ST8SIA1: variants seen among roughly 807,000 people sequenced by gnomAD.
ST8SIA1 encodes alpha-N-acetylneuraminide alpha-2,8-sialyltransferase.
A neutral mutation model predicts 35.9 loss-of-function variants in ST8SIA1; 16 were observed. That is an observed-to-expected ratio of 0.45 (90% confidence interval 0.30 to 0.68). The LOEUF (loss-of-function observed/expected upper bound fraction) is 0.68. ST8SIA1 is among the 30% of genes least tolerant of loss of function. The probability of loss-of-function intolerance (pLI) is 0.09; values close to 1 mark genes in which losing one functional copy is unlikely to be tolerated. For missense variants in ST8SIA1, 383 were observed against 453.6 expected, an observed-to-expected ratio of 0.84 and a Z score of 1.41; for synonymous variants, 170 against 169.6, an observed-to-expected ratio of 1.00 and a Z score of -0.02.
chr12:22,285,861 A>G (rs3819876), intron 2 of ST8SIA1, among the ~76,000 whole-genome samples: 29,214 of 145,026 alleles, frequency 0.2, 3,051 homozygotes, highest in Middle Eastern at 0.31. Context: ...CAGAGTAAGT[A>G]AGACTCTGTC....
intron 1 of ST8SIA1, among the ~76,000 whole-genome samples, chr12:22,288,557 C>T (rs530697834): frequency 6.6e-6 from 1 of 152,220 alleles, no homozygotes; most frequent in Non-Finnish European, 1.5e-5. Flanking sequence ...TGTGGGCAAG[C>T]TTCCTCAGCC....
At chr12:22,281,599 G>A (rs185273969) in intron 2 of ST8SIA1, among the ~76,000 whole-genome samples, 127 of 152,242 alleles carry the variant, frequency 8.3e-4, no homozygotes, top group Middle Eastern at 3.4e-3. Context: ...GCCAAAAAGA[G>A]ACTAGAGTAT....
intron 1 of ST8SIA1, among the ~76,000 whole-genome samples, chr12:22,316,609 T>G (rs529012455): frequency 3.9e-5 from 6 of 152,096 alleles, no homozygotes; most frequent in African/African-American, 1.4e-4. Flanking sequence ...ACTGATGAGG[T>G]TGATTGCCTG....
At chr12:22,294,989 TTCAG>T (rs1192582186) in intron 1 of ST8SIA1, among the ~76,000 whole-genome samples, 1 of 152,168 alleles carries the variant, frequency 6.6e-6, no homozygotes, top group Non-Finnish European at 1.5e-5. Flanking sequence ...ACCTCACTCA[TTCAG>T]TCAATCAACA....
rs1469729742 is a variant in ST8SIA1 at position 22,334,189 on chromosome 12, G to A, written c.44C>T (p.Ala15Val). Residue 15 changes from alanine to valine, a missense_variant, in exon 1 of 5, where the codon GCC (alanine) becomes GTC (valine). By Grantham distance (64) the Ala-to-Val change is moderately conservative. Transcript: ENST00000396037. ...GRARRQTSRG[A>V]MAVLAWKFPR... is the part of the protein sequence containing the mutation. ...GAACTTCCACGCCAGTACAGCCATG[G>A]CCCCTCTGGACGTTTGTCGCCGGGC... 1 of 1,613,930 alleles carries A rather than the reference G, an allele frequency of 6.2e-7. No individual in the cohort carries two copies. The highest frequency in any genetic ancestry group is 1.3e-5 in the African/African-American group (1 of 75,030).
At position 22,225,067 on chromosome 12, in the gene ST8SIA1, TAGAC is replaced by T. The variant is rs567491758; in HGVS notation, c.585-23033_585-23030del. On this transcript the variant is annotated intron_variant, in intron 4 of 4. Transcript: ENST00000396037. Reference sequence around the variant, plus strand: ...ATCAGCCAGGAAAGCTACAGATTGTTAGACAGCACCAGAAGCTAGGACGATGTAA... The same window carrying T: ...ATCAGCCAGGAAAGCTACAGATTGTTAGCACCAGAAGCTAGGACGATGTAA... Among the ~76,000 whole-genome samples the T allele has an allele frequency of 3.3e-3, 505 of 152,248 alleles. 2 individuals carry two copies. The highest frequency in any genetic ancestry group is 5.9e-3 in the Non-Finnish European group (399 of 68,002).
In ST8SIA1 at chr12:22,334,477, G is replaced by A; in HGVS notation, c.-245C>T. On this transcript the variant is annotated 5_prime_UTR_variant, in exon 1 of 5. Transcript: ENST00000396037. ...GCTGGGGGTGAAGTCACGATCTATGGCCATGGTCGCTTCCCCTGCAGAAGG... is the reference window on the plus strand; with the variant it reads ...GCTGGGGGTGAAGTCACGATCTATGACCATGGTCGCTTCCCCTGCAGAAGG... The A allele has an allele frequency of 1.8e-6, 1 of 560,122 alleles. No individual in the cohort carries two copies. The highest frequency in any genetic ancestry group is 2.2e-5 in the South Asian group (1 of 44,790). 34.7% of individuals were successfully genotyped at this position (560,122 alleles called of 1,614,324 possible). A position where few individuals can be genotyped will look rare whatever the true frequency, so the allele number is the denominator to read the frequency against.
At chr12:22,307,109 T>C (rs867676667) in intron 1 of ST8SIA1, among the ~76,000 whole-genome samples, 1 of 152,068 alleles carries the variant, frequency 6.6e-6, no homozygotes, top group South Asian at 2.1e-4. Flanking sequence ...TAATGCTTTG[T>C]TTGGTCTCTG....
At chr12:22,291,693 A>G (rs1866178923) in intron 1 of ST8SIA1, among the ~76,000 whole-genome samples, 2 of 152,236 alleles carry the variant, frequency 1.3e-5, no homozygotes, top group South Asian at 4.1e-4. Flanking sequence ...AGGGGTAAAC[A>G]GTGACAATCT....
At chr12:22,278,177 G>A (rs986021887) in intron 2 of ST8SIA1, among the ~76,000 whole-genome samples, 3 of 152,144 alleles carry the variant, frequency 2.0e-5, no homozygotes, top group Non-Finnish European at 4.4e-5. Flanking sequence ...CAATGTGTAA[G>A]GCAATCTTCT....
At chr12:22,260,362 G>A (rs957122723) in intron 2 of ST8SIA1, among the ~76,000 whole-genome samples, 2 of 151,996 alleles carry the variant, frequency 1.3e-5, no homozygotes, top group African/African-American at 4.8e-5. Context: ...AGATTTCGCC[G>A]TGCTGCCCAG....
chr12:22,316,159 T>C (rs1866517181), intron 1 of ST8SIA1, among the ~76,000 whole-genome samples: 2 of 152,286 alleles, frequency 1.3e-5, no homozygotes, highest in Non-Finnish European at 2.9e-5. Context: ...ACAAGAATCA[T>C]TTGAACTTGC....
intron 1 of ST8SIA1, among the ~76,000 whole-genome samples, chr12:22,294,804 C>T (rs1056061130): frequency 1.3e-5 from 2 of 152,178 alleles, no homozygotes; most frequent in East Asian, 3.9e-4. Context: ...AACAAGTACA[C>T]AAAATTATGT....
intron 2 of ST8SIA1, among the ~76,000 whole-genome samples, chr12:22,276,582 CT>C (rs1294784459): frequency 1.3e-5 from 2 of 152,064 alleles, no homozygotes; most frequent in Non-Finnish European, 2.9e-5. Flanking sequence ...TTATTTTTAA[CT>C]GTTTGCCACT....
chr12:22,317,680 G>C (rs1050777610), intron 1 of ST8SIA1, among the ~76,000 whole-genome samples: 8 of 152,210 alleles, frequency 5.3e-5, no homozygotes, highest in African/African-American at 1.9e-4. Context: ...CAAAATGGAA[G>C]CCATGGTCTT....
In ST8SIA1 at chr12:22,193,926, G is replaced by T. The variant is rs1332695670; in HGVS notation, c.*7626C>A. ...CCTCAAACTTTGCTCTTGAGAAATA[G>T]TTTGCACACATGTGGAATAATATTA... On this transcript the variant is annotated 3_prime_UTR_variant, in exon 5 of 5. Coordinates refer to ENST00000396037, the MANE Select transcript of ST8SIA1 (RefSeq NM_003034.4). 6.6e-6 allele frequency: 1 copy of T among 152,062 alleles called. No homozygotes were observed. Among genetic ancestry groups the T allele is most frequent in the Non-Finnish European group, 1.5e-5 (1 of 68,008 alleles). 9.4% of individuals were successfully genotyped at this position (152,062 alleles called of 1,614,324 possible).
intron 4 of ST8SIA1, among the ~76,000 whole-genome samples, chr12:22,208,060 A>G (rs1865133484): frequency 6.6e-6 from 1 of 151,352 alleles, no homozygotes; most frequent in African/African-American, 2.4e-5. Flanking sequence ...GAATTGCTTG[A>G]ACCCAGGAGG....
chr12:22,225,905 T>TG (rs1197133241), intron 4 of ST8SIA1, among the ~76,000 whole-genome samples: 1 of 152,104 alleles, frequency 6.6e-6, no homozygotes, highest in Admixed American at 6.6e-5. Context: ...GAATTGGCCG[T>TG]GGGGGCGGCA....
At chr12:22,241,054 C>CTAACCA (rs1015529690) in intron 4 of ST8SIA1, among the ~76,000 whole-genome samples, 1 of 150,454 alleles carries the variant, frequency 6.6e-6, no homozygotes, top group African/African-American at 2.5e-5. Context: ...AACCTTAACC[C>CTAACCA]TAACCCTAAC....
Sources: gnomAD v4.1 joint callset for allele counts (sites outside exome capture counted in the v4.1 genomes callset) on GRCh38, gnomAD v4.1.1 for gene constraint, MANE v1.5 for transcripts, NCBI Gene and HGNC (gene_info 2026-07-23, HGNC 2026-07-21) for gene names.